Variants in PCDHAC1 observed in about 807,000 individuals in gnomAD.
PCDHAC1 encodes protocadherin alpha subfamily C, 1.
A neutral mutation model predicts 60.0 loss-of-function variants in PCDHAC1; 42 were observed. That is an observed-to-expected ratio of 0.70 (90% CI 0.55 to 0.90). PCDHAC1 has a LOEUF of 0.90. Among genes scored for constraint, PCDHAC1 ranks in the 40% least tolerant of loss-of-function variants. PCDHAC1 has a pLI of 0.00. For synonymous variants in PCDHAC1, 468 were observed against 499.3 expected (o/e 0.94, Z 0.84); for missense variants, 1,160 against 1,222.3 (o/e 0.95, Z 0.76).
chr5:140,976,952 C>T lies in PCDHAC1; in HGVS notation c.2434-1997C>T, dbSNP rs183824. 1.8e-3 allele frequency among the ~76,000 whole-genome samples: 271 copies of T among 152,298 alleles called. 1 individual carries two copies. Among genetic ancestry groups the T allele is most frequent in the African/African-American group, 6.2e-3 (258 of 41,574 alleles). The stretch of plus-strand genomic sequence containing the variant: ...GTAGCTACTTAAAACATATTATATG[C>T]TTTCTTCCTTTCCTTTTCCCTGCCT... On this transcript the variant is annotated intron_variant, in intron 1 of 3. Coordinates refer to ENST00000253807, the MANE Select transcript of PCDHAC1 (RefSeq NM_018898.5).
chr5:140,973,606 G>A (rs1554235444), intron 1 of PCDHAC1, among the ~76,000 whole-genome samples: 1 of 152,204 alleles, frequency 6.6e-6, no homozygotes, highest in African/African-American at 2.4e-5. Flanking sequence ...TTATGGCTGA[G>A]CTCTTCTCTG....
chr5:141,004,619 G>C (rs1004302739), intron 3 of PCDHAC1, among the ~76,000 whole-genome samples: 9 of 152,136 alleles, frequency 5.9e-5, no homozygotes, highest in Non-Finnish European at 1.0e-4. Context: ...GCAGAGTCCT[G>C]GTTATGGTTG....
chr5:141,000,421 ATTTTTT>A (rs34755515), intron 3 of PCDHAC1, among the ~76,000 whole-genome samples: 34 of 27,962 alleles, frequency 1.2e-3, no homozygotes, highest in East Asian at 9.9e-3. Context: ...ATATATATAT[ATTTTTT>A]TTTTTTTTTT....
chr5:140,982,300 GCTT>G, intron 2 of PCDHAC1, 172 bp from the exon 3 acceptor site: 2 of 1,204,624 alleles, frequency 1.7e-6, no homozygotes, highest in Non-Finnish European at 1.1e-6. Context: ...AGTCAGCAAT[GCTT>G]CTGCAGTTTA....
intron 3 of PCDHAC1, among the ~76,000 whole-genome samples, chr5:141,005,404 G>A (rs1265064301): frequency 6.6e-6 from 1 of 152,166 alleles, no homozygotes; most frequent in Non-Finnish European, 1.5e-5. Context: ...CAGACTTGAA[G>A]AGTGAGGAGT....
chr5:140,968,125 TAC>T, intron 1 of PCDHAC1: 1 of 1,614,174 alleles, frequency 6.2e-7, no homozygotes, highest in Non-Finnish European at 8.5e-7. Context: ...CATCCCTGCG[TAC>T]ACTGAAGGTT....
intron 1 of PCDHAC1, among the ~76,000 whole-genome samples, chr5:140,973,691 T>C (rs1420618979): frequency 6.6e-6 from 1 of 152,224 alleles, no homozygotes; most frequent in Non-Finnish European, 1.5e-5. Context: ...GGCCTACTGT[T>C]TCCTTCTGAC....
chr5:140,928,792 G>A lies in PCDHAC1; in HGVS notation c.1900G>A (p.Val634Met), dbSNP rs1190569981. Residue 634 changes from valine (V) to methionine (M), a missense_variant, in exon 1 of 4, where the codon GTG becomes ATG. Transcript: ENST00000253807. The stretch of plus-strand genomic sequence containing the variant: ...TCCCACTGATGCAGTTAAGCAGAGG[G>A]TGGTGGTAGTGGTTCGGGACCATGG... ...VLPTDAVKQR[V>M]VVVVRDHGDP... 2 of 1,614,048 alleles carry A rather than the reference G, an allele frequency of 1.2e-6. No homozygotes were observed. The highest frequency in any genetic ancestry group is 1.7e-6 in the Non-Finnish European group (2 of 1,180,046).
At chr5:140,968,639 GC>G in intron 1 of PCDHAC1, 1 of 1,614,150 alleles carries the variant, frequency 6.2e-7, no homozygotes, top group Non-Finnish European at 8.5e-7. Context: ...TTACCATCTA[GC>G]CCAGACTTCT....
chr5:140,938,979 C>T (rs1485638673), intron 1 of PCDHAC1, among the ~76,000 whole-genome samples: 2 of 152,158 alleles, frequency 1.3e-5, no homozygotes, highest in Non-Finnish European at 2.9e-5. Flanking sequence ...TCAAGGCTAT[C>T]CTGGCTTTAT....
chr5:140,938,237 T>A (rs1287300526), intron 1 of PCDHAC1, among the ~76,000 whole-genome samples: 1 of 152,208 alleles, frequency 6.6e-6, no homozygotes, highest in African/African-American at 2.4e-5. Context: ...TAGGCCACCA[T>A]GCCTGGTCTT....
intron 1 of PCDHAC1, chr5:140,967,776 C>T: frequency 1.2e-6 from 2 of 1,614,148 alleles, no homozygotes; most frequent in East Asian, 2.2e-5. Flanking sequence ...TATGTGCAGG[C>T]GACTGACCGG....
chr5:140,946,611 AATATATATAT>A (rs1554217734), intron 1 of PCDHAC1, among the ~76,000 whole-genome samples: 3 of 86,806 alleles, frequency 3.5e-5, no homozygotes, highest in African/African-American at 1.3e-4. Flanking sequence ...GAAAATGTGA[AATATATATAT>A]ATATATATAT....
intron 3 of PCDHAC1, among the ~76,000 whole-genome samples, chr5:140,994,024 A>G (rs1440214596): frequency 6.6e-6 from 1 of 152,234 alleles, no homozygotes; most frequent in East Asian, 1.9e-4. Context: ...TGATGCAGAT[A>G]TAATATTAAA....
intron 1 of PCDHAC1, among the ~76,000 whole-genome samples, chr5:140,946,611 A>AAT (rs1554217734): frequency 0.018 from 1,579 of 86,716 alleles, 89 homozygotes; most frequent in African/African-American, 0.026. Flanking sequence ...GAAAATGTGA[A>AAT]ATATATATAT....
At chr5:140,990,628 G>A (rs1380038956) in intron 3 of PCDHAC1, among the ~76,000 whole-genome samples, 1 of 152,154 alleles carries the variant, frequency 6.6e-6, no homozygotes, top group African/African-American at 2.4e-5. Flanking sequence ...TCTGTGGTAA[G>A]ACTAGAAGCC....
At chr5:140,971,603 C>T (rs1353988698) in intron 1 of PCDHAC1, among the ~76,000 whole-genome samples, 1 of 152,072 alleles carries the variant, frequency 6.6e-6, no homozygotes, top group Non-Finnish European at 1.5e-5. Context: ...CTACAGATGG[C>T]AGGAGAGTCC....
At chr5:140,984,254 G>A (rs553931247) in intron 3 of PCDHAC1, among the ~76,000 whole-genome samples, 1 of 152,278 alleles carries the variant, frequency 6.6e-6, no homozygotes, top group East Asian at 1.9e-4. Flanking sequence ...GACCTGGTAA[G>A]CCACAAACTA....
rs548394870 is a variant in PCDHAC1 at position 140,927,042 on chromosome 5, G to A, written c.150G>A (p.Met50Ile). ...ACTTGAGGCTGCCAGCGGCCGCTATGTCCTCGCGGAACTTTCGCTTCCTTT... is the reference window on the plus strand; with the variant it reads ...ACTTGAGGCTGCCAGCGGCCGCTATATCCTCGCGGAACTTTCGCTTCCTTT... ...SADLRLPAAA[M>I]SSRNFRFLSS... Residue 50 changes from methionine to isoleucine, a missense_variant, in exon 1 of 4, where the codon ATG becomes ATA. Physicochemically the swap from Met to Ile is conservative, Grantham distance 10 (BLOSUM62 1). Around this residue, in one of 3 missense-constraint regions of PCDHAC1, gnomAD observed 1,113 missense variants for 1,163.7 expected, o/e 0.96. Transcript: ENST00000253807. The A allele has an allele frequency of 1.4e-4, 226 of 1,612,386 alleles. 8 individuals are homozygous for A. The South Asian group carries it at 2.4e-3, about 17-fold the overall frequency.
Sources: gnomAD v4.1 joint callset for allele counts (sites outside exome capture counted in the v4.1 genomes callset) on GRCh38, gnomAD v4.1.1 for gene constraint, gnomAD v4.1.1 regional missense constraint, MANE v1.5 for transcripts, NCBI Gene and HGNC (gene_info 2026-07-23, HGNC 2026-07-21) for gene names.